Variants in SNX2 observed in about 807,000 individuals in gnomAD.
SNX2 encodes the protein sorting nexin-2.
SNX2 carries 25 observed loss-of-function variants against 69.9 expected under a neutral mutation model. The ratio of observed to expected loss-of-function variants is 0.36; its 90% confidence interval spans 0.26 to 0.50. The LOEUF is 0.50. Among genes scored for constraint, SNX2 ranks in the 20% least tolerant of loss-of-function variants. The pLI, the probability that SNX2 is intolerant of heterozygous loss-of-function variation, is 0.97. For missense variants in SNX2, 551 were observed against 613.3 expected (o/e 0.90, Z 1.07); for synonymous variants, 229 against 200.4 (o/e 1.14, Z -1.20).
At position 122,831,009 on chromosome 5, in the gene SNX2, C is replaced by CAAAAAAAAAAAAAAA. The variant is rs58159922; in HGVS notation, c.*1371_*1385dup. Among the ~76,000 whole-genome samples the CAAAAAAAAAAAAAAA allele has an allele frequency of 1.6e-5, 1 of 63,006 alleles. No individual in the cohort carries two copies. The highest frequency in any genetic ancestry group is 6.0e-5 in the African/African-American group (1 of 16,756). 41.3% of individuals were successfully genotyped at this position (63,006 alleles called of 152,430 possible). On this transcript the variant is annotated 3_prime_UTR_variant, in exon 15 of 15. Coordinates refer to ENST00000379516, the MANE Select transcript of SNX2 (RefSeq NM_003100.4). ...AGGCAACAAAAGCAAAACTCCATCT[C>CAAAAAAAAAAAAAAA]AAAAAAAAAAAAAAAAAAAAAAAAG...
chr5:122,816,640 T>TTTTTAAAATTTGTATGTG (rs1753905686), intron 8 of SNX2, among the ~76,000 whole-genome samples: 1 of 152,142 alleles, frequency 6.6e-6, no homozygotes, highest in South Asian at 2.1e-4. Flanking sequence ...TAATATATTT[T>TTTTTAAAATTTGTATGTG]GACAAACAGG....
At position 122,832,141 on chromosome 5, in the gene SNX2, C is replaced by G. The variant is rs1754305793; in HGVS notation, c.*2493C>G. 6.6e-6 allele frequency among the ~76,000 whole-genome samples: 1 copy of G among 152,128 alleles called. No homozygotes were observed. The highest frequency in any genetic ancestry group is 1.5e-5 in the Non-Finnish European group (1 of 68,008). ...CGTTTGTTTGTTTTCTTAATGAGAT[C>G]AAAAGTTAAAGACCAAGGCAGCAAA... On this transcript the variant is annotated 3_prime_UTR_variant, in exon 15 of 15. Transcript: ENST00000379516.
rs140257729 is a variant in SNX2 at position 122,779,833 on chromosome 5, C to T, written c.108+4622C>T. On this transcript the variant is annotated intron_variant, in intron 1 of 14. Transcript: ENST00000379516. The stretch of plus-strand genomic sequence containing the variant: ...ATGGTGGTTTGCTGCTCCTATCAAC[C>T]CATCACCTAGGTATTAAGCCCAGCA... Among the ~76,000 whole-genome samples, 650 of 152,080 alleles carry T rather than the reference C, an allele frequency of 4.3e-3. 2 individuals carry two copies. The highest frequency in any genetic ancestry group is 7.7e-3 in the Admixed American group (118 of 15,270).
intron 7 of SNX2, among the ~76,000 whole-genome samples, chr5:122,809,816 A>G (rs182151979): frequency 6.6e-6 from 1 of 152,210 alleles, no homozygotes. Context: ...GAAAAGCTAA[A>G]GAATATGTAG....
chr5:122,795,226 A>G lies in SNX2; in HGVS notation c.109-40A>G, dbSNP rs763522000. 7.7e-6 allele frequency: 10 copies of G among 1,291,606 alleles called. No individual in the cohort carries two copies. The Admixed American group carries it at 1.4e-4, about 18-fold the overall frequency. The allele number at this position is 1,291,606 out of a possible 1,614,324, so 80.0% of individuals were successfully genotyped here. On this transcript the variant is annotated intron_variant, in intron 1 of 14. Transcript: ENST00000379516. Reference sequence around the variant, plus strand: ...ATGGTGACAGAATTACAACAGGTAAACATGCCAATCCATTACCTATTATTG... The same window carrying G: ...ATGGTGACAGAATTACAACAGGTAAGCATGCCAATCCATTACCTATTATTG...
intron 11 of SNX2, among the ~76,000 whole-genome samples, chr5:122,825,569 C>G (rs1754132633): frequency 6.6e-6 from 1 of 151,792 alleles, no homozygotes; most frequent in Non-Finnish European, 1.5e-5. Context: ...ATTGCTTTGC[C>G]TTTTTTTATT....
At chr5:122,802,893 T>A (rs1753548336) in intron 5 of SNX2, among the ~76,000 whole-genome samples, 1 of 152,108 alleles carries the variant, frequency 6.6e-6, no homozygotes, top group South Asian at 2.1e-4. Flanking sequence ...GCCTAGGTTA[T>A]TGACTAGAGG....
intron 12 of SNX2, 73 bp from the exon 13 acceptor site, chr5:122,827,306 A>AT: frequency 8.1e-7 from 1 of 1,238,442 alleles, no homozygotes; most frequent in Non-Finnish European, 1.2e-6. Flanking sequence ...TTGTGATTAA[A>AT]TTAAGTGAGT....
intron 7 of SNX2, among the ~76,000 whole-genome samples, chr5:122,809,416 C>T (rs1212521334): frequency 1.3e-5 from 2 of 152,162 alleles, no homozygotes; most frequent in East Asian, 1.9e-4. Context: ...GACTTGTCTT[C>T]CTTGAAGCAG....
At chr5:122,803,366 C>A (rs1753558733) in intron 5 of SNX2, 106 bp from the exon 6 acceptor site, 2 of 1,099,292 alleles carry the variant, frequency 1.8e-6, no homozygotes, top group East Asian at 2.5e-5. Context: ...ACTCTGCATT[C>A]TTTTGCAAAG....
chr5:122,825,908 A>G (rs1489791047), intron 11 of SNX2, 142 bp from the exon 12 acceptor site: 4 of 652,858 alleles, frequency 6.1e-6, no homozygotes, highest in Non-Finnish European at 9.2e-6. Flanking sequence ...TGATATTGGC[A>G]TACTTACTTT....
At position 122,816,971 on chromosome 5, in the gene SNX2, G is replaced by A. The variant is rs1269265464; in HGVS notation, c.855G>A (p.Val285=). 2 of 1,613,880 alleles carry A rather than the reference G, an allele frequency of 1.2e-6. No homozygotes were observed. Among genetic ancestry groups the A allele is most frequent in the Non-Finnish European group, 1.7e-6 (2 of 1,179,852 alleles). ...GTGGAGCAGGAATATTGAGGATGGT[G>A]AACAAGGCTGCCGACGCTGTCAACA... is the stretch of plus-strand genomic sequence containing the variant. ...ALSGAGILRM[V]NKAADAVNKM... is the part of the protein sequence containing the mutation. Residue 285 remains valine, a synonymous_variant, in exon 9 of 15, where the codon GTG becomes GTA. Coordinates refer to ENST00000379516, the MANE Select transcript of SNX2 (RefSeq NM_003100.4).
chr5:122,807,341 T>A (rs576896215), intron 6 of SNX2, among the ~76,000 whole-genome samples: 26 of 152,320 alleles, frequency 1.7e-4, no homozygotes, highest in Non-Finnish European at 3.1e-4. Flanking sequence ...ACAGTCAATT[T>A]TAGAATATTT....
rs1754351712 is a variant in SNX2 at position 122,833,933 on chromosome 5, C to G, written c.*4285C>G. ...TAATGTTTTGCAAGTAGTGGATGTTCAATATCTACAATAAATGAATTGTAG... is the reference window on the plus strand; with the variant it reads ...TAATGTTTTGCAAGTAGTGGATGTTGAATATCTACAATAAATGAATTGTAG... On this transcript the variant is annotated 3_prime_UTR_variant, in exon 15 of 15. Transcript: ENST00000379516. The G allele has an allele frequency of 6.6e-6, 1 of 152,138 alleles. No homozygotes were observed. Among genetic ancestry groups the G allele is most frequent in the African/African-American group, 2.4e-5 (1 of 41,428 alleles). The allele number at this position is 152,138 out of a possible 1,614,324, so 9.4% of individuals were successfully genotyped here.
At position 122,803,411 on chromosome 5, in the gene SNX2, A is replaced by G. The variant is rs1753559308; in HGVS notation, c.502-61A>G. The G allele has an allele frequency of 4.0e-6, 6 of 1,512,782 alleles. No homozygotes were observed. In the South Asian group the frequency reaches 5.2e-5, roughly 13 times the overall value. The allele number at this position is 1,512,782 out of a possible 1,614,324, so 93.7% of individuals were successfully genotyped here. The stretch of plus-strand genomic sequence containing the variant: ...GTATGTGTTCACAATTATGTATAAC[A>G]TTAACTTGTGGAATAATTGCTTGCT... On this transcript the variant is annotated intron_variant, in intron 5 of 14. Coordinates refer to ENST00000379516, the MANE Select transcript of SNX2 (RefSeq NM_003100.4).
At chr5:122,817,176 G>T in intron 9 of SNX2, 104 bp from the exon 10 acceptor site, 1 of 1,235,526 alleles carries the variant, frequency 8.1e-7, no homozygotes, top group Non-Finnish European at 1.2e-6. Flanking sequence ...TGGTTATAAG[G>T]TTAATTTGTT....
chr5:122,775,052 C>T (rs1158067374), upstream of SNX2: 2 of 1,526,674 alleles, frequency 1.3e-6, no homozygotes, highest in Non-Finnish European at 1.8e-6. Flanking sequence ...CGTGCGTGCT[C>T]ACGTGACGGG....
At position 122,790,042 on chromosome 5, in the gene SNX2, G is replaced by A. The variant is rs185524814; in HGVS notation, c.109-5224G>A. ...ATCCAAGAGCAGCTTAGCTAGCTAG[G>A]TATTCTCATCCAAGGTCTCTCATAC... On this transcript the variant is annotated intron_variant, in intron 1 of 14. Transcript: ENST00000379516. Among the ~76,000 whole-genome samples, 4 of 152,304 alleles carry A rather than the reference G, an allele frequency of 2.6e-5. No individual in the cohort carries two copies. In the East Asian group the frequency reaches 7.7e-4, roughly 29 times the overall value.
In SNX2 at chr5:122,817,010, G is replaced by A. The variant is rs1428951855; in HGVS notation, c.894G>A (p.Lys298=). 3 of 1,611,904 alleles carry A rather than the reference G, an allele frequency of 1.9e-6. No homozygotes were observed. Among genetic ancestry groups the A allele is most frequent in the Middle Eastern group, 1.6e-4 (1 of 6,084 alleles). ...ACGCTGTCAACAAAATGACAATCAA[G>A]ATGAATGAATCGGATGCAGTAAGAG... ...AADAVNKMTI[K]MNESDAWFEE... The change falls in exon 9 of 15, where the codon AAG becomes AAA. Residue 298 remains lysine (K), a synonymous_variant. Transcript: ENST00000379516.
Sources: allele counts gnomAD v4.1 joint callset (sites outside exome capture counted in the v4.1 genomes callset), GRCh38; gene constraint gnomAD v4.1.1; transcripts MANE v1.5; gene names NCBI Gene and HGNC (gene_info 2026-07-23, HGNC 2026-07-21).